The following CHRNA7 variants were observed in gnomAD, a reference collection of about 807,000 sequenced individuals.
CHRNA7 encodes cholinergic receptor nicotinic alpha 7 subunit.
A neutral mutation model predicts 48.0 loss-of-function variants in CHRNA7; 17 were observed. The observed-to-expected ratio is 0.35, with a 90% CI of 0.24 to 0.53. CHRNA7 has a LOEUF of 0.53. CHRNA7 is among the 20% of genes least tolerant of loss of function. The pLI, the probability that CHRNA7 is intolerant of heterozygous loss-of-function variation, is 0.92. For synonymous variants in CHRNA7, 75 were observed against 242.3 expected (o/e 0.31, Z 6.41); for missense variants, 155 against 577.7 (o/e 0.27, Z 7.50).
At chr15:32,104,598 T>C (rs1330671731) in intron 3 of CHRNA7, among the ~76,000 whole-genome samples, 1 of 152,156 alleles carries the variant, frequency 6.6e-6, no homozygotes, top group Non-Finnish European at 1.5e-5. Context: ...TCCAGGTGCA[T>C]TCGGTCACTG....
chr15:32,105,462 AGG>A, intron 3 of CHRNA7, among the ~76,000 whole-genome samples: 1 of 149,848 alleles, frequency 6.7e-6, no homozygotes, highest in South Asian at 2.1e-4. Context: ...GAAGAGGAGG[AGG>A]AAGAGGAGGA....
At chr15:32,062,321 A>G (rs1301234935) in intron 2 of CHRNA7, among the ~76,000 whole-genome samples, 1 of 152,226 alleles carries the variant, frequency 6.6e-6, no homozygotes, top group East Asian at 1.9e-4. Flanking sequence ...TTTTGTTTAA[A>G]TTAATATATA....
chr15:32,060,351 T>C (rs999322091), intron 2 of CHRNA7, among the ~76,000 whole-genome samples: 22 of 152,196 alleles, frequency 1.4e-4, no homozygotes, highest in African/African-American at 5.1e-4. Context: ...TGTGTGTGTG[T>C]GCACGCGCAC....
At chr15:32,096,529 A>G (rs1414794063) in intron 2 of CHRNA7, among the ~76,000 whole-genome samples, 1 of 152,182 alleles carries the variant, frequency 6.6e-6, no homozygotes, top group Non-Finnish European at 1.5e-5. Context: ...TGCTACACAA[A>G]TATGAATTTA....
At chr15:32,070,929 C>T (rs571763128) in intron 2 of CHRNA7, among the ~76,000 whole-genome samples, 220 of 152,034 alleles carry the variant, frequency 1.4e-3, no homozygotes, top group African/African-American at 5.0e-3. Context: ...CTTCATGATC[C>T]GCCCATCTCA....
chr15:32,109,538 G>A (rs571381079), intron 3 of CHRNA7, among the ~76,000 whole-genome samples: 1 of 152,276 alleles, frequency 6.6e-6, no homozygotes, highest in African/African-American at 2.4e-5. Context: ...TGACACAATG[G>A]TCAGCCTGGT....
chr15:32,080,861 C>T (rs1441016776), intron 2 of CHRNA7, among the ~76,000 whole-genome samples: 1 of 152,180 alleles, frequency 6.6e-6, no homozygotes, highest in Admixed American at 6.5e-5. Context: ...CATTGTAGCA[C>T]TATTCACAAT....
chr15:32,144,375 A>C (rs779606982), intron 4 of CHRNA7, among the ~76,000 whole-genome samples: 4 of 152,116 alleles, frequency 2.6e-5, no homozygotes, highest in Non-Finnish European at 5.9e-5. Context: ...ACCTTGGTGA[A>C]TCTGAAAATT....
chr15:32,136,531 T>C (rs534059242), intron 4 of CHRNA7, among the ~76,000 whole-genome samples: 2 of 150,924 alleles, frequency 1.3e-5, no homozygotes, highest in East Asian at 3.9e-4. Flanking sequence ...ATTAAAATAC[T>C]GGAAAATATA....
intron 4 of CHRNA7, among the ~76,000 whole-genome samples, chr15:32,140,958 G>A (rs1044467508): frequency 2.6e-5 from 4 of 152,132 alleles, no homozygotes; most frequent in Non-Finnish European, 4.4e-5. Flanking sequence ...GGCTTTTGTT[G>A]CCATTGCTTT....
At chr15:32,102,536 T>A (rs947702332) in intron 3 of CHRNA7, 2 of 151,800 alleles carry the variant, frequency 1.3e-5, no homozygotes, top group African/African-American at 2.4e-5. Flanking sequence ...TAAATTTTGT[T>A]TCTTTTGGAT....
chr15:32,150,821 TTG>T (rs2051610262), intron 4 of CHRNA7, among the ~76,000 whole-genome samples: 2 of 152,282 alleles, frequency 1.3e-5, no homozygotes, highest in Admixed American at 1.3e-4. Flanking sequence ...TTCAGCTATT[TTG>T]TGCCCAATCA....
At chr15:32,050,662 C>T (rs1389178835) in intron 2 of CHRNA7, among the ~76,000 whole-genome samples, 1 of 152,222 alleles carries the variant, frequency 6.6e-6, no homozygotes, top group Non-Finnish European at 1.5e-5. Context: ...AGTCATTCTC[C>T]ATCCAGCTTT....
chr15:32,063,828 T>A (rs891499856), intron 2 of CHRNA7, among the ~76,000 whole-genome samples: 4 of 152,208 alleles, frequency 2.6e-5, no homozygotes, highest in African/African-American at 9.7e-5. Flanking sequence ...TCAGGAACCA[T>A]GGACAAAGAC....
chr15:32,152,922 G>A lies in CHRNA7; in HGVS notation c.351-985G>A, dbSNP rs553331665. Among the ~76,000 whole-genome samples, 3 of 152,328 alleles carry A rather than the reference G, an allele frequency of 2.0e-5. No individual in the cohort carries two copies. In the South Asian group the frequency reaches 6.2e-4, roughly 32 times the overall value. ...GTTGGGGCTGTGTGTGTGTGGGTGT[G>A]TGTCCTTTATCCCAGTTGTTAACTC... is the stretch of plus-strand genomic sequence containing the variant. On this transcript the variant is annotated intron_variant, in intron 4 of 9. Transcript: ENST00000306901.
At chr15:32,101,443 C>T in intron 3 of CHRNA7, 96 bp downstream of exon 3, 1 of 1,364,184 alleles carries the variant, frequency 7.3e-7, no homozygotes, top group Admixed American at 2.4e-5. Flanking sequence ...CTGAGAGGTC[C>T]TGTTTAGGAA....
chr15:32,139,410 G>A (rs913322353), intron 4 of CHRNA7, among the ~76,000 whole-genome samples: 36 of 152,214 alleles, frequency 2.4e-4, no homozygotes, highest in African/African-American at 7.7e-4. Context: ...CATGGAAAGA[G>A]TATGCTTCGT....
chr15:32,116,535 A>C (rs538635155), intron 4 of CHRNA7, among the ~76,000 whole-genome samples: 1 of 152,222 alleles, frequency 6.6e-6, no homozygotes, highest in Non-Finnish European at 1.5e-5. Context: ...CCTGCGGCTC[A>C]AGGAGTTTTC....
At chr15:32,091,121 T>C (rs1329655666) in intron 2 of CHRNA7, among the ~76,000 whole-genome samples, 1 of 152,196 alleles carries the variant, frequency 6.6e-6, no homozygotes, top group Non-Finnish European at 1.5e-5. Context: ...GAATATCTTA[T>C]TCTTTTACTA....
Sources: gnomAD v4.1 joint callset for allele counts (sites outside exome capture counted in the v4.1 genomes callset) on GRCh38, gnomAD v4.1.1 for gene constraint, MANE v1.5 for transcripts, NCBI Gene and HGNC (gene_info 2026-07-23, HGNC 2026-07-21) for gene names.